The following CATSPERE variants were observed in gnomAD, a reference collection of about 807,000 sequenced individuals.
CATSPERE encodes catsper channel auxiliary subunit epsilon.
Under a neutral mutation model 114.1 loss-of-function variants are expected in CATSPERE, and 93 were observed. The observed-to-expected ratio is 0.81, with a 90% CI of 0.69 to 0.97. The LOEUF (loss-of-function observed/expected upper bound fraction) is 0.97. CATSPERE is among the 50% of genes least tolerant of loss of function. The pLI is 0.00. For missense variants in CATSPERE, 1,058 were observed against 1,131.6 expected, an observed-to-expected ratio of 0.93 and a Z score of 0.93; for synonymous variants, 341 against 384.1, an observed-to-expected ratio of 0.89 and a Z score of 1.31.
intron 6 of CATSPERE, among the ~76,000 whole-genome samples, chr1:244,491,771 G>T: frequency 6.6e-6 from 1 of 152,092 alleles, no homozygotes; most frequent in Non-Finnish European, 1.5e-5. Flanking sequence ...TATCACCACC[G>T]ATCCCATAGA....
Position 244,548,054 on chromosome 1 carries a change from C to T in CATSPERE, c.537-4268C>T, listed in dbSNP as rs148878794. On this transcript the variant is annotated intron_variant, in intron 8 of 21. Transcript: ENST00000366534. ...AAGAACATGATTGGAAAATTGGTGACGAATAAATATGGGGAAGAAGTATGC... is the reference window on the plus strand; with the variant it reads ...AAGAACATGATTGGAAAATTGGTGATGAATAAATATGGGGAAGAAGTATGC... Among the ~76,000 whole-genome samples, 163 of 152,286 alleles carry T rather than the reference C, an allele frequency of 1.1e-3. 1 individual carries two copies. Among genetic ancestry groups the T allele is most frequent in the African/African-American group, 3.7e-3 (154 of 41,554 alleles).
rs567025557 is a variant in CATSPERE, at chr1:244,564,482, T to C, written c.1507+3337T>C. On this transcript the variant is annotated intron_variant, in intron 10 of 21. Transcript: ENST00000366534. ...GGTCCTTTACATCCCTTGTAAGTTGTATTCCTAGGTATTTTATGCTCTTTG... is the reference window on the plus strand; with the variant it reads ...GGTCCTTTACATCCCTTGTAAGTTGCATTCCTAGGTATTTTATGCTCTTTG... Among the ~76,000 whole-genome samples, 8 of 152,310 alleles carry C rather than the reference T, an allele frequency of 5.3e-5. No homozygotes were observed. The South Asian group carries it at 1.7e-3, about 32-fold the overall frequency.
intron 8 of CATSPERE, among the ~76,000 whole-genome samples, chr1:244,530,559 T>C (rs1399826472): frequency 6.6e-6 from 1 of 152,184 alleles, no homozygotes; most frequent in South Asian, 2.1e-4. Context: ...CTGTAAAGAA[T>C]GTCTTTGGTA....
At chr1:244,493,323 A>C (rs1210058512) in intron 6 of CATSPERE, among the ~76,000 whole-genome samples, 2 of 152,222 alleles carry the variant, frequency 1.3e-5, no homozygotes, top group African/African-American at 4.8e-5. Context: ...GATCTTTGAC[A>C]AACCTGAGAA....
chr1:244,557,033 T>G (rs1344954826), intron 9 of CATSPERE, among the ~76,000 whole-genome samples: 1 of 152,190 alleles, frequency 6.6e-6, no homozygotes, highest in African/African-American at 2.4e-5. Context: ...GTTGGCTATA[T>G]ATGCATGGGT....
intron 8 of CATSPERE, among the ~76,000 whole-genome samples, chr1:244,533,132 T>C (rs1335854990): frequency 6.7e-6 from 1 of 150,104 alleles, no homozygotes; most frequent in Non-Finnish European, 1.5e-5. Flanking sequence ...CTTTTTGTGG[T>C]TTTTGTCTTG....
intron 9 of CATSPERE, among the ~76,000 whole-genome samples, chr1:244,557,532 CATATATATAT>C (rs61291602): frequency 0.014 from 551 of 40,518 alleles, 9 homozygotes; most frequent in Middle Eastern, 0.028. Flanking sequence ...TTGAAATATT[CATATATATAT>C]ATATATATAT....
rs759910009 is a variant in CATSPERE, at chr1:244,633,928, G to A, written c.2649-1561G>A. Among the ~76,000 whole-genome samples the A allele has an allele frequency of 1.7e-4, 25 of 149,808 alleles. No homozygotes were observed. The highest frequency in any genetic ancestry group is 2.7e-4 in the Admixed American group (4 of 15,006). On this transcript the variant is annotated intron_variant, in intron 20 of 21. Transcript: ENST00000366534. The surrounding 1 kb of genome is among the most constrained non-coding windows in gnomAD (Gnocchi z 4.1). ...TGCCCAGGCTGGAGTGCAGTGGTGCGATCTCCGCTCACTGCAACCTACGCC... is the reference window on the plus strand; with the variant it reads ...TGCCCAGGCTGGAGTGCAGTGGTGCAATCTCCGCTCACTGCAACCTACGCC...
At chr1:244,506,805 A>G (rs1356565044) in intron 7 of CATSPERE, among the ~76,000 whole-genome samples, 3 of 152,114 alleles carry the variant, frequency 2.0e-5, no homozygotes, top group African/African-American at 7.2e-5. Context: ...ATTTTCAAAT[A>G]TACAATAAAT....
chr1:244,587,149 A>C (rs1667129845), intron 13 of CATSPERE, among the ~76,000 whole-genome samples: 1 of 152,210 alleles, frequency 6.6e-6, no homozygotes, highest in Middle Eastern at 3.2e-3. Flanking sequence ...TCATCTTTAG[A>C]TATAATGCAT....
intron 1 of CATSPERE, among the ~76,000 whole-genome samples, chr1:244,455,504 GT>G (rs77959110): frequency 3.2e-3 from 445 of 138,708 alleles, no homozygotes; most frequent in Non-Finnish European, 3.5e-3. Flanking sequence ...ATTTTTAAGG[GT>G]TTTTTTTTTT....
At chr1:244,614,129 T>C (rs535767768) in intron 19 of CATSPERE, among the ~76,000 whole-genome samples, 1 of 152,272 alleles carries the variant, frequency 6.6e-6, no homozygotes, top group Non-Finnish European at 1.5e-5. Flanking sequence ...GAATTCCTTT[T>C]CCTTATAAAT....
intron 19 of CATSPERE, among the ~76,000 whole-genome samples, chr1:244,611,090 C>T (rs545684841): frequency 3.7e-4 from 57 of 152,164 alleles, no homozygotes; most frequent in African/African-American, 1.1e-3. Flanking sequence ...ATATCATTAG[C>T]GTTTATAACT....
At chr1:244,564,458 G>C (rs925518902) in intron 10 of CATSPERE, among the ~76,000 whole-genome samples, 2 of 152,068 alleles carry the variant, frequency 1.3e-5, no homozygotes, top group East Asian at 3.9e-4. Context: ...CCTTGAAGAG[G>C]TCCTTTACAT....
intron 5 of CATSPERE, among the ~76,000 whole-genome samples, chr1:244,480,043 A>C (rs887100165): frequency 3.9e-5 from 6 of 152,230 alleles, no homozygotes; most frequent in African/African-American, 1.4e-4. Flanking sequence ...TAATAACCAC[A>C]CAAATGTAAG....
At chr1:244,521,522 G>GA (rs1364095143) in intron 8 of CATSPERE, among the ~76,000 whole-genome samples, 2 of 151,754 alleles carry the variant, frequency 1.3e-5, no homozygotes, top group African/African-American at 2.4e-5. Flanking sequence ...TCTCAAGAGG[G>GA]AAAAAATAAA....
chr1:244,544,556 G>A lies in CATSPERE; in HGVS notation c.537-7766G>A, dbSNP rs529697545. On this transcript the variant is annotated intron_variant, in intron 8 of 21. Coordinates refer to ENST00000366534, the MANE Select transcript of CATSPERE (RefSeq NM_001130957.2). ...TGTGAAGTGAGGATAATTATGGTGA[G>A]TAAGGCCATGTGGAAGCCATTAGCA... Among the ~76,000 whole-genome samples, 16 of 152,308 alleles carry A rather than the reference G, an allele frequency of 1.1e-4. No homozygotes were observed. In the South Asian group the frequency reaches 3.3e-3, roughly 32 times the overall value.
chr1:244,537,178 C>G (rs3005987), intron 8 of CATSPERE, among the ~76,000 whole-genome samples: 132,291 of 152,110 alleles, frequency 0.87, 58,510 homozygotes, highest in East Asian at 1. Flanking sequence ...TTTCTTTAGA[C>G]TCTCTTTATC....
intron 17 of CATSPERE, among the ~76,000 whole-genome samples, chr1:244,601,098 T>A (rs6682766): frequency 0.062 from 9,451 of 152,236 alleles, 967 homozygotes; most frequent in African/African-American, 0.22. Context: ...TTAAAAATTT[T>A]GAAATTCTAG....
Sources: gnomAD v4.1 joint callset for allele counts (sites outside exome capture counted in the v4.1 genomes callset) on GRCh38, gnomAD v4.1.1 for gene constraint, Gnocchi (gnomAD v3.1) non-coding constraint, MANE v1.5 for transcripts, NCBI Gene and HGNC (gene_info 2026-07-23, HGNC 2026-07-21) for gene names.